The following SLFN14 variants were observed in gnomAD, a reference collection of about 807,000 sequenced individuals.
SLFN14 encodes schlafen family member 14.
In SLFN14, 47 loss-of-function variants were observed where a neutral mutation model predicts 58.6. The ratio of observed to expected loss-of-function variants is 0.80; its 90% CI spans 0.64 to 1.02. The LOEUF (loss-of-function observed/expected upper bound fraction) is 1.02. SLFN14 is among the 50% of genes least tolerant of loss of function. The pLI, the probability that SLFN14 is intolerant of heterozygous loss-of-function variation, is 0.00. For missense variants in SLFN14, 967 were observed against 1,078.4 expected, an observed-to-expected ratio of 0.90 and a Z score of 1.45; for synonymous variants, 390 against 387.3, an observed-to-expected ratio of 1.01 and a Z score of -0.08.
intron 4 of SLFN14, among the ~76,000 whole-genome samples, chr17:35,553,961 A>G (rs1358071980): frequency 6.6e-6 from 1 of 152,078 alleles, no homozygotes; most frequent in Non-Finnish European, 1.5e-5. Flanking sequence ...TATTGTCACA[A>G]TTGGAGGGGA....
In SLFN14 at chr17:35,554,697, G is replaced by A; in HGVS notation, c.1068C>T (p.Pro356=). The A allele has an allele frequency of 6.9e-7, 1 of 1,446,560 alleles. No homozygotes were observed. Among genetic ancestry groups the A allele is most frequent in the Non-Finnish European group, 9.1e-7 (1 of 1,093,466 alleles). The allele number at this position is 1,446,560 out of a possible 1,614,324, so 89.6% of individuals were successfully genotyped here. The change falls in exon 4 of 6, where the codon CCC becomes CCT. Residue 356 remains proline, a synonymous_variant. Transcript: ENST00000674182. ...AAGAGTTGTAGTCTGTGACCAAACTGGGAGGAGCTAGACAATTACATGGAA... is the reference window on the plus strand; with the variant it reads ...AAGAGTTGTAGTCTGTGACCAAACTAGGAGGAGCTAGACAATTACATGGAA... ...VMMLDTQSAP[P]SLVTDYNSCL... is the part of the protein sequence containing the mutation.
At chr17:35,558,194 T>C (rs879133114) in intron 2 of SLFN14, 88 bp from the exon 3 acceptor site, 2 of 818,666 alleles carry the variant, frequency 2.4e-6, no homozygotes, top group Non-Finnish European at 3.7e-6. Flanking sequence ...TTACTGGAGA[T>C]ATATTTTAAT....
intron 1 of SLFN14, among the ~76,000 whole-genome samples, 130 bp downstream of exon 1, chr17:35,560,637 T>C (rs1012266508): frequency 6.6e-6 from 1 of 152,162 alleles, no homozygotes; most frequent in Admixed American, 6.5e-5. Flanking sequence ...CTTCCCAGAA[T>C]TTTTTATTCA....
chr17:35,548,311 A>G lies in SLFN14; in HGVS notation c.2667T>C (p.Phe889=), dbSNP rs746674198. The G allele has an allele frequency of 6.4e-7, 1 of 1,551,718 alleles. No individual in the cohort carries two copies. The highest frequency in any genetic ancestry group is 1.2e-5 in the South Asian group (1 of 84,056). Residue 889 remains phenylalanine (F), a synonymous_variant, in exon 6 of 6, where the codon TTT becomes TTC. Coordinates refer to ENST00000674182, the MANE Select transcript of SLFN14 (RefSeq NM_001129820.2). ...LSPECDQSEE[F]HKLCFASRAI... ...CTCTTGAAGCAAAGCAGAGCTTATG[A>G]AATTCCTCTGACTGGTCACATTCTG...
rs370838935 is a variant in SLFN14, at chr17:35,548,232, A to G, written c.*7T>C. Reference sequence around the variant, plus strand: ...TTCCTGTCTTCCTCTATTATTTGTAATAATTTTCAGTAGGCTGCCCTCTTT... The same window carrying G: ...TTCCTGTCTTCCTCTATTATTTGTAGTAATTTTCAGTAGGCTGCCCTCTTT... On this transcript the variant is annotated 3_prime_UTR_variant, in exon 6 of 6. Coordinates refer to ENST00000674182, the MANE Select transcript of SLFN14 (RefSeq NM_001129820.2). 1.4e-5 allele frequency: 21 copies of G among 1,548,900 alleles called. No homozygotes were observed. Among genetic ancestry groups the G allele is most frequent in the East Asian group, 2.4e-5 (1 of 40,908 alleles).
In SLFN14 at chr17:35,557,589, T is replaced by C. The variant is rs2072665695; in HGVS notation, c.474A>G (p.Gln158=). The C allele has an allele frequency of 6.4e-7, 1 of 1,551,678 alleles. No homozygotes were observed. The highest frequency in any genetic ancestry group is 8.7e-7 in the Non-Finnish European group (1 of 1,146,982). The change falls in exon 3 of 6, where the codon CAA becomes CAG. Residue 158 remains glutamine (Q), a synonymous_variant. Coordinates refer to ENST00000674182, the MANE Select transcript of SLFN14 (RefSeq NM_001129820.2). ...ACTTCTTCACCCTTGGTCTTCCTCT[T>C]TGGGCTCTAAACCCCTTCTCTCTGA... is the stretch of plus-strand genomic sequence containing the variant. ...ELLREKGFRA[Q]RGRPRVKKLH... is the part of the protein sequence containing the mutation.
rs1246678796 is a variant in SLFN14, at chr17:35,552,772, A to T, written c.1862T>A (p.Ile621Asn). The T allele has an allele frequency of 6.5e-7, 1 of 1,549,362 alleles. No individual in the cohort carries two copies. The highest frequency in any genetic ancestry group is 8.7e-7 in the Non-Finnish European group (1 of 1,146,190). Residue 621 changes from isoleucine to asparagine, a missense_variant, in exon 5 of 6, where the codon ATC (isoleucine) becomes AAC (asparagine). Transcript: ENST00000674182. ...GGAGTCGCTTTCACAAACATAGAGG[A>T]TCTCTTTTGGTTTGCAGTGAAACAA... ...KDLFHCKPKE[I>N]LYVCESDSLK...
Position 35,549,061 on chromosome 17 carries a change from G to A in SLFN14, c.1917C>T (p.Thr639=). The A allele has an allele frequency of 1.9e-6, 3 of 1,551,404 alleles. No individual in the cohort carries two copies. In the South Asian group the frequency reaches 3.6e-5, roughly 18 times the overall value. The stretch of plus-strand genomic sequence containing the variant: ...AAGTTTTCCTGGTCACAGCTTGGCA[G>A]GTGGTTTGTTGGCTGTAAGGACGGA... ...SLKDFVTQQT[T]CQAVTRKTFM... The change falls in exon 6 of 6, where the codon ACC becomes ACT. Residue 639 remains threonine, a synonymous_variant. Coordinates refer to ENST00000674182, the MANE Select transcript of SLFN14 (RefSeq NM_001129820.2).
At chr17:35,554,733 G>C in intron 3 of SLFN14, 29 bp from the exon 4 acceptor site, 2 of 1,228,570 alleles carry the variant, frequency 1.6e-6, no homozygotes, top group East Asian at 3.3e-5. Context: ...AGTTGTTTCA[G>C]ACAAAAAATA....
Position 35,546,355 on chromosome 17 carries a change from GT to G in SLFN14, c.*1883del, listed in dbSNP as rs1456637545. On this transcript the variant is annotated 3_prime_UTR_variant, in exon 6 of 6. Transcript: ENST00000674182. ...TAGAGCAGTAGGAAGCAAGGGAGAG[GT>G]TTTTCTTTTCAACCCGTGCCTAGGT... Among the ~76,000 whole-genome samples the G allele has an allele frequency of 1.3e-5, 2 of 152,168 alleles. No homozygotes were observed. The highest frequency in any genetic ancestry group is 2.9e-5 in the Non-Finnish European group (2 of 68,034).
In SLFN14 at chr17:35,544,988, A is replaced by G. The variant is rs1355070507; in HGVS notation, c.*3251T>C. Among the ~76,000 whole-genome samples, 2 of 152,136 alleles carry G rather than the reference A, an allele frequency of 1.3e-5. No homozygotes were observed. Among genetic ancestry groups the G allele is most frequent in the Admixed American group, 6.6e-5 (1 of 15,264 alleles). On this transcript the variant is annotated 3_prime_UTR_variant, in exon 6 of 6. Coordinates refer to ENST00000674182, the MANE Select transcript of SLFN14 (RefSeq NM_001129820.2). ...CATTTAGTTAATTGCTTTATCCATC[A>G]TATTAAGACTTTGTAGAAAACATTG...
At chr17:35,559,054 A>T (rs111912344) in intron 2 of SLFN14, among the ~76,000 whole-genome samples, 3,642 of 90,484 alleles carry the variant, frequency 0.04, 143 homozygotes, top group African/African-American at 0.14. Context: ...GACAAAAGAT[A>T]AAAAAAAAAA....
Position 35,557,424 on chromosome 17 carries a change from T to C in SLFN14, c.639A>G (p.Lys213=), listed in dbSNP as rs944279305. ...NFTESTHVEF[K]RFTTKKVIPR... The stretch of plus-strand genomic sequence containing the variant: ...GTATGACTTTTTTGGTGGTGAACCT[T>C]TTAAATTCAACATGTGTTGACTCAG... Residue 213 remains lysine, a synonymous_variant, in exon 3 of 6, where the codon AAA becomes AAG. Coordinates refer to ENST00000674182, the MANE Select transcript of SLFN14 (RefSeq NM_001129820.2). 6.4e-7 allele frequency: 1 copy of C among 1,551,530 alleles called. No individual in the cohort carries two copies. The highest frequency in any genetic ancestry group is 1.4e-5 in the African/African-American group (1 of 73,020).
At chr17:35,551,029 G>A (rs1597903633) in intron 5 of SLFN14, among the ~76,000 whole-genome samples, 1 of 152,038 alleles carries the variant, frequency 6.6e-6, no homozygotes, top group East Asian at 1.9e-4. Context: ...GTAAGGCCAT[G>A]GATTGTGAGA....
At chr17:35,554,048 C>G (rs1243900561) in intron 4 of SLFN14, among the ~76,000 whole-genome samples, 1 of 152,088 alleles carries the variant, frequency 6.6e-6, no homozygotes, top group Non-Finnish European at 1.5e-5. Context: ...CCTCCCCCAG[C>G]AAAGAGTTAT....
At chr17:35,555,700 A>C (rs2072646196) in intron 3 of SLFN14, among the ~76,000 whole-genome samples, 1 of 152,180 alleles carries the variant, frequency 6.6e-6, no homozygotes, top group Non-Finnish European at 1.5e-5. Flanking sequence ...TTCTCCAATC[A>C]CTCAAGTTTT....
chr17:35,550,315 G>A (rs545687169), intron 5 of SLFN14, among the ~76,000 whole-genome samples: 40 of 152,342 alleles, frequency 2.6e-4, no homozygotes, highest in African/African-American at 8.9e-4. Context: ...CGAGAAGGAG[G>A]TGGGCGGATC....
rs1386575919 is a variant in SLFN14 at position 35,546,901 on chromosome 17, T to C, written c.*1338A>G. The stretch of plus-strand genomic sequence containing the variant: ...AGTCGGGGATGTGTGTGGGTGGTGT[T>C]GGTGGTAAAGTTGCCACCAAGGATC... On this transcript the variant is annotated 3_prime_UTR_variant, in exon 6 of 6. Transcript: ENST00000674182. Among the ~76,000 whole-genome samples the C allele has an allele frequency of 2.6e-5, 4 of 152,160 alleles. No individual in the cohort carries two copies. The highest frequency in any genetic ancestry group is 5.9e-5 in the Non-Finnish European group (4 of 68,026).
intron 5 of SLFN14, among the ~76,000 whole-genome samples, chr17:35,551,492 G>A (rs886650514): frequency 4.6e-5 from 7 of 152,026 alleles, no homozygotes; most frequent in Non-Finnish European, 1.0e-4. Flanking sequence ...CCTAAGCCCC[G>A]CAACAAAAGG....
Sources: allele counts gnomAD v4.1 joint callset (sites outside exome capture counted in the v4.1 genomes callset), GRCh38; gene constraint gnomAD v4.1.1; transcripts MANE v1.5; gene names NCBI Gene and HGNC (gene_info 2026-07-23, HGNC 2026-07-21).